The following ADAMTS12 variants were observed in gnomAD, a reference collection of about 807,000 sequenced individuals.
The protein encoded by ADAMTS12 is ADAM metallopeptidase with thrombospondin type 1 motif 12.
ADAMTS12 carries 118 observed loss-of-function variants against 167.8 expected under a neutral mutation model. The ratio of observed to expected loss-of-function variants is 0.70; its 90% CI spans 0.61 to 0.82. The LOEUF (loss-of-function observed/expected upper bound fraction) is 0.82. Ranked by LOEUF, ADAMTS12 falls within the 40% of genes least tolerant of loss-of-function variation. ADAMTS12 has a pLI of 0.00. For missense variants in ADAMTS12, 1,916 were observed against 1,998.8 expected (o/e 0.96, Z 0.79); for synonymous variants, 704 against 716.9 (o/e 0.98, Z 0.29).
At chr5:33,696,420 CAAA>C (rs71600922) in intron 3 of ADAMTS12, among the ~76,000 whole-genome samples, 3 of 129,960 alleles carry the variant, frequency 2.3e-5, no homozygotes, top group African/African-American at 9.1e-5. Context: ...GACTCCGTCT[CAAA>C]AAAAAAAAAA....
At chr5:33,701,506 C>A (rs1743001521) in intron 3 of ADAMTS12, among the ~76,000 whole-genome samples, 1 of 152,308 alleles carries the variant, frequency 6.6e-6, no homozygotes, top group African/African-American at 2.4e-5. Flanking sequence ...ACCCCACCCA[C>A]CCCAGCATAG....
chr5:33,751,106 T>A lies in ADAMTS12; in HGVS notation c.634+298A>T, dbSNP rs951787520. On this transcript the variant is annotated intron_variant, in intron 3 of 23. Coordinates refer to ENST00000504830, the MANE Select transcript of ADAMTS12 (RefSeq NM_030955.4). ...ATTCAGAAGAGTTTTTTAAAAAAAA[T>A]TCATTGTAAATGTCTTATGAGCATC... The A allele has an allele frequency of 2.8e-4, 127 of 459,316 alleles. 1 individual carries two copies. Among genetic ancestry groups the A allele is most frequent in the African/African-American group, 2.1e-3 (105 of 49,860 alleles). 28.5% of individuals were successfully genotyped at this position (459,316 alleles called of 1,614,324 possible).
chr5:33,881,034 A>G, intron 2 of ADAMTS12, 85 bp downstream of exon 2: 2 of 1,536,598 alleles, frequency 1.3e-6, no homozygotes. Context: ...ATGTCAGTGC[A>G]TCTGTGAACC....
At chr5:33,573,971 A>G (rs1746528180) in intron 19 of ADAMTS12, among the ~76,000 whole-genome samples, 1 of 152,260 alleles carries the variant, frequency 6.6e-6, no homozygotes, top group Admixed American at 6.5e-5. Context: ...GAAGACATTT[A>G]TGCAGCCAAA....
At chr5:33,724,753 G>T (rs980660978) in intron 3 of ADAMTS12, among the ~76,000 whole-genome samples, 1 of 151,662 alleles carries the variant, frequency 6.6e-6, no homozygotes, top group Non-Finnish European at 1.5e-5. Context: ...GGGTTTCACC[G>T]TGTTAGCCAA....
At chr5:33,652,529 GTCC>G (rs1276037970) in intron 7 of ADAMTS12, among the ~76,000 whole-genome samples, 3 of 151,972 alleles carry the variant, frequency 2.0e-5, no homozygotes, top group African/African-American at 7.2e-5. Context: ...CTCGATATTA[GTCC>G]TTTGTCAGAT....
At chr5:33,573,038 A>G (rs1471531340) in intron 19 of ADAMTS12, among the ~76,000 whole-genome samples, 9 of 152,126 alleles carry the variant, frequency 5.9e-5, no homozygotes, top group Non-Finnish European at 1.3e-4. Flanking sequence ...AATCCAACTT[A>G]CAAGGGACCT....
At chr5:33,539,988 G>A (rs256646) in intron 22 of ADAMTS12, among the ~76,000 whole-genome samples, 1 of 152,046 alleles carries the variant, frequency 6.6e-6, no homozygotes, top group Non-Finnish European at 1.5e-5. Context: ...GAGGGCGAGC[G>A]GAAGCAGGGC....
intron 5 of ADAMTS12, among the ~76,000 whole-genome samples, chr5:33,680,112 C>T (rs540897775): frequency 2.2e-4 from 33 of 152,226 alleles, no homozygotes; most frequent in African/African-American, 4.6e-4. Flanking sequence ...TTAGAGACTC[C>T]GTAAAAGCTT....
intron 3 of ADAMTS12, among the ~76,000 whole-genome samples, chr5:33,711,250 C>T (rs1281303528): frequency 2.0e-5 from 3 of 152,122 alleles, no homozygotes; most frequent in African/African-American, 7.2e-5. Flanking sequence ...TCCCCACCTC[C>T]CCATCCAAAT....
intron 3 of ADAMTS12, among the ~76,000 whole-genome samples, chr5:33,734,865 A>G (rs141123303): frequency 8.3e-4 from 126 of 152,312 alleles, no homozygotes; most frequent in African/African-American, 2.9e-3. Context: ...CCACCCTGAC[A>G]GGGTCTGTAA....
intron 16 of ADAMTS12, among the ~76,000 whole-genome samples, chr5:33,602,111 C>A (rs1343740917): frequency 6.6e-6 from 1 of 152,146 alleles, no homozygotes; most frequent in Non-Finnish European, 1.5e-5. Context: ...GCACACCGAG[C>A]AAGGCAAAGC....
intron 2 of ADAMTS12, among the ~76,000 whole-genome samples, chr5:33,812,314 T>C (rs1008079389): frequency 6.6e-6 from 1 of 152,054 alleles, no homozygotes; most frequent in Non-Finnish European, 1.5e-5. Flanking sequence ...TGAGTAGTGA[T>C]TGTGAGTAGG....
chr5:33,600,304 C>CT (rs11421922), intron 16 of ADAMTS12, among the ~76,000 whole-genome samples: 151,336 of 152,290 alleles, frequency 0.99, 75,203 homozygotes, highest in East Asian at 1. Flanking sequence ...TTTAAAAGAA[C>CT]GTCTTCCTGT....
At chr5:33,874,313 T>C (rs902326833) in intron 2 of ADAMTS12, among the ~76,000 whole-genome samples, 2 of 152,180 alleles carry the variant, frequency 1.3e-5, no homozygotes, top group South Asian at 2.1e-4. Flanking sequence ...GACAAGCATA[T>C]GAAATGATAT....
chr5:33,577,769 T>C (rs142689991), intron 18 of ADAMTS12, among the ~76,000 whole-genome samples: 41 of 152,258 alleles, frequency 2.7e-4, no homozygotes, highest in African/African-American at 8.9e-4. Flanking sequence ...GGTACATAGT[T>C]AATCAAAGGT....
chr5:33,852,921 A>T (rs1749270730), intron 2 of ADAMTS12, among the ~76,000 whole-genome samples: 1 of 152,196 alleles, frequency 6.6e-6, no homozygotes, highest in Non-Finnish European at 1.5e-5. Context: ...ACACATGCAT[A>T]CCTTCTCTAA....
At chr5:33,735,934 TAA>T (rs925644073) in intron 3 of ADAMTS12, among the ~76,000 whole-genome samples, 17 of 152,312 alleles carry the variant, frequency 1.1e-4, no homozygotes, top group African/African-American at 3.4e-4. Flanking sequence ...CAGATAACAT[TAA>T]AAGTGTTAAA....
chr5:33,532,845 G>A (rs1283161757), intron 23 of ADAMTS12, among the ~76,000 whole-genome samples: 2 of 152,168 alleles, frequency 1.3e-5, no homozygotes, highest in Non-Finnish European at 2.9e-5. Flanking sequence ...TATTGTGAAA[G>A]CTGATTGACA....
Sources: gnomAD v4.1 joint callset for allele counts (sites outside exome capture counted in the v4.1 genomes callset) on GRCh38, gnomAD v4.1.1 for gene constraint, MANE v1.5 for transcripts, NCBI Gene and HGNC (gene_info 2026-07-23, HGNC 2026-07-21) for gene names.